The following TSPAN7 variants were observed in gnomAD, a reference collection of about 807,000 sequenced individuals.
TSPAN7 encodes the protein tetraspanin 7, also known as tetraspanin-7.
TSPAN7 carries 1 observed loss-of-function variant against 17.6 expected under a neutral mutation model. The ratio of observed to expected loss-of-function variants is 0.06; its 90% confidence interval spans 0.02 to 0.27. TSPAN7 has a LOEUF of 0.27. Ranked by LOEUF, TSPAN7 falls within the 10% of genes least tolerant of loss-of-function variation. The probability of loss-of-function intolerance (pLI) is 1.00; values close to 1 mark genes in which losing one functional copy is unlikely to be tolerated. For missense variants in TSPAN7, 112 were observed against 201.7 expected (o/e 0.56, Z 2.69); for synonymous variants, 78 against 79.0 (o/e 0.99, Z 0.07).
intron 1 of TSPAN7, among the ~76,000 whole-genome samples, chrX:38,596,405 T>G (rs1289287422): frequency 1.8e-5 from 2 of 112,142 alleles, no homozygotes; most frequent in Non-Finnish European, 3.8e-5. Flanking sequence ...GGCAGTAAAA[T>G]CAATGGCATT....
intron 1 of TSPAN7, among the ~76,000 whole-genome samples, chrX:38,632,442 A>G (rs773757125): frequency 8.9e-6 from 1 of 112,510 alleles, no homozygotes; most frequent in South Asian, 3.7e-4. Context: ...CTGGGGGCAT[A>G]GAGAATCGTG....
At chrX:38,614,552 A>T (rs939810178) in intron 1 of TSPAN7, among the ~76,000 whole-genome samples, 2 of 112,534 alleles carry the variant, frequency 1.8e-5, no homozygotes, top group African/African-American at 6.5e-5. Flanking sequence ...CTATGAGTTA[A>T]CTGGACTTTG....
intron 2 of TSPAN7, among the ~76,000 whole-genome samples, chrX:38,671,018 G>A (rs1410035208): frequency 1.8e-5 from 2 of 111,867 alleles, no homozygotes; most frequent in Non-Finnish European, 3.8e-5. Context: ...GACCTTCAGA[G>A]CAGTTTGGTT....
At chrX:38,625,109 C>T (rs1236893008) in intron 1 of TSPAN7, among the ~76,000 whole-genome samples, 1 of 111,435 alleles carries the variant, frequency 9.0e-6, no homozygotes, top group African/African-American at 3.3e-5. Flanking sequence ...GAACTAGCAA[C>T]ATGTATCTAG....
At chrX:38,636,075 G>GTTAT (rs146991452) in intron 1 of TSPAN7, among the ~76,000 whole-genome samples, 11,721 of 102,274 alleles carry the variant, frequency 0.11, 623 homozygotes, top group East Asian at 0.23. Flanking sequence ...TTTTCATTTT[G>GTTAT]TTATTTATTT....
chrX:38,585,040 A>T (rs1321039775), intron 1 of TSPAN7, among the ~76,000 whole-genome samples: 1 of 112,076 alleles, frequency 8.9e-6, no homozygotes, highest in African/African-American at 3.2e-5. Flanking sequence ...AGGTATATTT[A>T]TTCTTTTTCA....
intron 1 of TSPAN7, among the ~76,000 whole-genome samples, chrX:38,575,115 A>G (rs1274082698): frequency 9.0e-6 from 1 of 111,171 alleles, no homozygotes; most frequent in Admixed American, 9.7e-5. Context: ...GCTGACAGCT[A>G]CCAAGAAACT....
chrX:38,641,278 G>A (rs1218891244), intron 1 of TSPAN7, among the ~76,000 whole-genome samples: 1 of 112,418 alleles, frequency 8.9e-6, no homozygotes, highest in African/African-American at 3.2e-5. Flanking sequence ...TCTCTTCCAG[G>A]TGTGTGTTTG....
intron 1 of TSPAN7, among the ~76,000 whole-genome samples, chrX:38,594,036 G>T (rs957418421): frequency 1.8e-5 from 2 of 111,257 alleles, no homozygotes; most frequent in African/African-American, 6.5e-5. Context: ...TGAGAAACCT[G>T]GTTTTCATTA....
At chrX:38,663,443 G>A (rs142397058) in intron 1 of TSPAN7, among the ~76,000 whole-genome samples, 3,357 of 111,491 alleles carry the variant, frequency 0.03, 125 homozygotes, top group African/African-American at 0.1. Flanking sequence ...CTACACATTG[G>A]GTACAGTGTA....
At position 38,639,782 on chromosome X, in the gene TSPAN7, T is replaced by C. The variant is rs754144252; in HGVS notation, c.82-26339T>C. Among the ~76,000 whole-genome samples the C allele has an allele frequency of 9.6e-4, 106 of 110,043 alleles. 1 individual carries two copies. The highest frequency in any genetic ancestry group is 1.5e-3 in the Non-Finnish European group (78 of 52,785). ...TGCTTTGGCAACTTCAAGTTCAGGC[T>C]TAGTCTTTCCCTCATCTCTGAGCAA... On this transcript the variant is annotated intron_variant, in intron 1 of 7. Transcript: ENST00000378482.
intron 1 of TSPAN7, chrX:38,623,025 A>G (rs2069497794): frequency 3.0e-6 from 1 of 329,189 alleles, no homozygotes; most frequent in African/African-American, 2.7e-5. Context: ...CTTTTCTACA[A>G]CCTAGATGGT....
intron 1 of TSPAN7, among the ~76,000 whole-genome samples, chrX:38,621,740 G>T (rs2069489712): frequency 9.0e-6 from 1 of 111,236 alleles, no homozygotes; most frequent in Admixed American, 9.5e-5. Flanking sequence ...TGATCTTTCA[G>T]AAATAAATAA....
In TSPAN7 at chrX:38,666,259, C is replaced by T. The variant is rs774448502; in HGVS notation, c.220C>T (p.Leu74=). Residue 74 remains leucine (L), a synonymous_variant, in exon 2 of 8, where the codon CTG becomes TTG. Coordinates refer to ENST00000378482, the MANE Select transcript of TSPAN7 (RefSeq NM_004615.4). ...TGGCACCACTATTGTTGTCTTTGGC[C>T]TGTTTGGATGCTTTGCTACATGTCG... The part of the protein sequence containing the change: ...GTGTTIVVFG[L]FGCFATCRGS... 9 of 1,211,964 alleles carry T rather than the reference C, an allele frequency of 7.4e-6. No individual in the cohort carries two copies. In the Middle Eastern group the frequency reaches 1.4e-3, roughly 186 times the overall value.
chrX:38,572,927 G>T (rs2069176579), intron 1 of TSPAN7, among the ~76,000 whole-genome samples: 1 of 111,374 alleles, frequency 9.0e-6, no homozygotes, highest in African/African-American at 3.3e-5. Flanking sequence ...TTTAAAATTA[G>T]ACTTAATGTG....
At chrX:38,658,081 A>G (rs982816343) in intron 1 of TSPAN7, among the ~76,000 whole-genome samples, 7 of 95,003 alleles carry the variant, frequency 7.4e-5, no homozygotes, top group Non-Finnish European at 1.2e-4. Flanking sequence ...AAAATACAAA[A>G]TGTAATCTCA....
chrX:38,604,554 T>C (rs1004687266), intron 1 of TSPAN7, among the ~76,000 whole-genome samples: 91 of 111,534 alleles, frequency 8.2e-4, no homozygotes, highest in Non-Finnish European at 1.6e-3. Flanking sequence ...TTTTTAATGA[T>C]TGCCATTCTA....
At position 38,671,411 on chromosome X, in the gene TSPAN7, G is replaced by A; in HGVS notation, c.306G>A (p.Glu102=). Residue 102 remains glutamate, a synonymous_variant, in exon 3 of 8, where the codon GAG becomes GAA. Transcript: ENST00000378482. ...AMFLSLVFLA[E]LVAGISGFVF... Reference sequence around the variant, plus strand: ...TTCTGTCCCTGGTGTTCCTGGCTGAGCTCGTAGCTGGCATTTCAGGGTTTG... The same window carrying A: ...TTCTGTCCCTGGTGTTCCTGGCTGAACTCGTAGCTGGCATTTCAGGGTTTG... 8.3e-7 allele frequency: 1 copy of A among 1,211,330 alleles called. No homozygotes were observed. The highest frequency in any genetic ancestry group is 1.8e-5 in the South Asian group (1 of 56,968).
At chrX:38,609,185 G>A (rs770458009) in intron 1 of TSPAN7, among the ~76,000 whole-genome samples, 2 of 112,019 alleles carry the variant, frequency 1.8e-5, no homozygotes, top group Non-Finnish European at 3.8e-5. Flanking sequence ...TTTTTAAGAA[G>A]CGATTTTGTG....
Sources: allele counts gnomAD v4.1 joint callset (sites outside exome capture counted in the v4.1 genomes callset), GRCh38; gene constraint gnomAD v4.1.1; transcripts MANE v1.5; gene names NCBI Gene and HGNC (gene_info 2026-07-23, HGNC 2026-07-21).